PARD3: variants seen among roughly 807,000 people sequenced by gnomAD.
PARD3 encodes partitioning defective 3 homolog.
A neutral mutation model predicts 155.4 loss-of-function variants in PARD3; 75 were observed. That is an observed-to-expected ratio of 0.48 (90% CI 0.40 to 0.58). PARD3 has a LOEUF of 0.58. PARD3 is among the 20% of genes least tolerant of loss of function. PARD3 has a pLI of 0.00. For missense variants in PARD3, 1,642 were observed against 1,721.7 expected, an observed-to-expected ratio of 0.95 and a Z score of 0.82; for synonymous variants, 576 against 610.5, an observed-to-expected ratio of 0.94 and a Z score of 0.83.
intron 22 of PARD3, among the ~76,000 whole-genome samples, chr10:34,252,871 G>A (rs1276507217): frequency 6.6e-6 from 1 of 151,952 alleles, no homozygotes; most frequent in Non-Finnish European, 1.5e-5. Context: ...CATAGTGAAC[G>A]ATCAGAAAAC....
intron 14 of PARD3, among the ~76,000 whole-genome samples, chr10:34,355,921 T>A (rs1389787082): frequency 2.2e-5 from 1 of 45,690 alleles, no homozygotes; most frequent in South Asian, 1.3e-3. Flanking sequence ...TGACACTCCG[T>A]CTCAAAAAAA....
At chr10:34,495,423 G>C (rs1313345893) in intron 3 of PARD3, among the ~76,000 whole-genome samples, 1 of 152,198 alleles carries the variant, frequency 6.6e-6, no homozygotes, top group African/African-American at 2.4e-5. Context: ...CCCTTGGAAA[G>C]ATTAATCACT....
At chr10:34,749,412 T>G (rs1365823652) in intron 1 of PARD3, among the ~76,000 whole-genome samples, 1 of 151,970 alleles carries the variant, frequency 6.6e-6, no homozygotes, top group Non-Finnish European at 1.5e-5. Flanking sequence ...CTTGAATTAA[T>G]ATACAACTAA....
chr10:34,685,800 G>A (rs887185935), intron 2 of PARD3, among the ~76,000 whole-genome samples: 1 of 152,056 alleles, frequency 6.6e-6, no homozygotes, highest in African/African-American at 2.4e-5. Flanking sequence ...CACCATGTTG[G>A]CCAGGCTGGT....
intron 1 of PARD3, among the ~76,000 whole-genome samples, chr10:34,778,847 T>C (rs1235477177): frequency 1.3e-5 from 2 of 152,206 alleles, no homozygotes; most frequent in South Asian, 2.1e-4. Flanking sequence ...TCACCTATCG[T>C]TTCCTTAACA....
At chr10:34,521,383 A>T (rs890787524) in intron 2 of PARD3, among the ~76,000 whole-genome samples, 1 of 146,754 alleles carries the variant, frequency 6.8e-6, no homozygotes, top group Non-Finnish European at 1.5e-5. Context: ...AAAAAAAAAA[A>T]GGTGGGGGGA....
intron 1 of PARD3, among the ~76,000 whole-genome samples, chr10:34,715,500 T>A (rs1202598195): frequency 1.3e-5 from 2 of 152,178 alleles, no homozygotes; most frequent in Admixed American, 6.5e-5. Flanking sequence ...TCTGCTTGTC[T>A]ATACCTCCTG....
chr10:34,800,944 A>G (rs1842790260), intron 1 of PARD3, among the ~76,000 whole-genome samples: 1 of 152,200 alleles, frequency 6.6e-6, no homozygotes, highest in African/African-American at 2.4e-5. Flanking sequence ...TCTCATCGGT[A>G]AAGAAACAAT....
At chr10:34,260,254 C>T (rs577003466) in intron 22 of PARD3, among the ~76,000 whole-genome samples, 18 of 152,328 alleles carry the variant, frequency 1.2e-4, no homozygotes, top group Middle Eastern at 3.4e-3. Context: ...GGATTACAGG[C>T]GTGAGCTGCC....
chr10:34,654,911 G>A (rs182007677), intron 2 of PARD3, among the ~76,000 whole-genome samples: 31 of 152,132 alleles, frequency 2.0e-4, no homozygotes, highest in African/African-American at 6.3e-4. Flanking sequence ...CTACACTCCC[G>A]TTGCCTTACA....
At chr10:34,367,923 C>T (rs924897878) in intron 12 of PARD3, among the ~76,000 whole-genome samples, 1 of 151,858 alleles carries the variant, frequency 6.6e-6, no homozygotes, top group Non-Finnish European at 1.5e-5. Context: ...TAGGGAAAGC[C>T]CACTAACTTT....
chr10:34,381,911 TCAAAAA>T (rs1841875335), intron 9 of PARD3, among the ~76,000 whole-genome samples: 1 of 7,350 alleles, frequency 1.4e-4, no homozygotes, highest in Non-Finnish European at 2.5e-4. Context: ...AGGCCCTGTC[TCAAAAA>T]AAAAAAAAAA....
chr10:34,630,802 GATTTATTTATTTATTTATTT>G (rs111251881), intron 2 of PARD3, among the ~76,000 whole-genome samples: 23 of 146,250 alleles, frequency 1.6e-4, no homozygotes, highest in African/African-American at 5.4e-4. Context: ...TCTGTAAACA[GATTTATTTATTTATTTATTT>G]ATTTATTTAT....
At chr10:34,147,213 C>T (rs1948556258) in intron 22 of PARD3, among the ~76,000 whole-genome samples, 1 of 152,062 alleles carries the variant, frequency 6.6e-6, no homozygotes, top group Admixed American at 6.6e-5. Context: ...CCCACCTCAC[C>T]CCGATAACAG....
intron 20 of PARD3, among the ~76,000 whole-genome samples, chr10:34,287,334 C>T (rs1373733171): frequency 2.6e-5 from 4 of 152,124 alleles, no homozygotes; most frequent in Non-Finnish European, 2.9e-5. Context: ...TCAAATGATA[C>T]AATGTTGCCA....
chr10:34,535,353 C>T (rs2083148386), intron 2 of PARD3, among the ~76,000 whole-genome samples: 1 of 152,082 alleles, frequency 6.6e-6, no homozygotes, highest in Admixed American at 6.6e-5. Flanking sequence ...CCATCTAAGA[C>T]ACAAAGGGAA....
At chr10:34,556,620 G>C (rs1297799327) in intron 2 of PARD3, among the ~76,000 whole-genome samples, 2 of 152,022 alleles carry the variant, frequency 1.3e-5, no homozygotes, top group Non-Finnish European at 2.9e-5. Flanking sequence ...CTGACCTCGT[G>C]ATCCGCCCGC....
chr10:34,585,550 T>TC (rs939599491), intron 2 of PARD3, among the ~76,000 whole-genome samples: 1 of 151,258 alleles, frequency 6.6e-6, no homozygotes, highest in Non-Finnish European at 1.5e-5. Flanking sequence ...TTTCTTTCTT[T>TC]TTTTTTTTGG....
At chr10:34,359,664 ATTAGACAGTTGCAGAGAACTGTCCCC>A (rs988730881) in intron 13 of PARD3, among the ~76,000 whole-genome samples, 11 of 152,238 alleles carry the variant, frequency 7.2e-5, no homozygotes, top group Non-Finnish European at 1.3e-4. Context: ...GCTCAAGGCT[ATTAGACAGTTGCAGAGAACTGTCCCC>A]TTAACAAATG....
Sources: gnomAD v4.1 joint callset for allele counts (sites outside exome capture counted in the v4.1 genomes callset) on GRCh38, gnomAD v4.1.1 for gene constraint, MANE v1.5 for transcripts, NCBI Gene and HGNC (gene_info 2026-07-23, HGNC 2026-07-21) for gene names.